The following CHRM2 variants were observed in gnomAD, a reference collection of about 807,000 sequenced individuals.
CHRM2 encodes the protein muscarinic acetylcholine receptor M2.
Under a neutral mutation model 25.0 loss-of-function variants are expected in CHRM2, and 8 were observed. The observed-to-expected ratio is 0.32, with a 90% CI of 0.19 to 0.58. CHRM2 has a LOEUF of 0.58. Among genes scored for constraint, CHRM2 ranks in the 20% least tolerant of loss-of-function variants. The probability of loss-of-function intolerance (pLI) is 0.88; values close to 1 mark genes in which losing one functional copy is unlikely to be tolerated. For synonymous variants in CHRM2, 202 were observed against 205.7 expected (o/e 0.98, Z 0.15); for missense variants, 440 against 567.1 (o/e 0.78, Z 2.28).
chr7:136,917,184 A>G (rs1199961545), intron 2 of CHRM2, among the ~76,000 whole-genome samples: 1 of 140,180 alleles, frequency 7.1e-6, no homozygotes. Context: ...GCTTTCTTTT[A>G]TTTGTAGGCT....
intron 2 of CHRM2, among the ~76,000 whole-genome samples, chr7:136,916,582 T>A (rs1798124821): frequency 6.6e-6 from 1 of 151,520 alleles, no homozygotes; most frequent in Non-Finnish European, 1.5e-5. Flanking sequence ...AAGTTTATAT[T>A]GTCCTCCTCA....
intron 2 of CHRM2, among the ~76,000 whole-genome samples, chr7:136,933,552 C>A (rs1206939618): frequency 1.3e-5 from 2 of 152,052 alleles, no homozygotes; most frequent in East Asian, 1.9e-4. Context: ...TATAGAGTCA[C>A]CAACATGACT....
chr7:136,939,655 G>A (rs1799647282), intron 2 of CHRM2, among the ~76,000 whole-genome samples: 1 of 152,134 alleles, frequency 6.6e-6, no homozygotes, highest in Non-Finnish European at 1.5e-5. Flanking sequence ...ATTAAAATAA[G>A]TATAGTGGGA....
rs1563055699 is a variant in CHRM2 at position 136,903,118 on chromosome 7, T to C, written c.-125+33700T>C. 3 of 533,126 alleles carry C rather than the reference T, an allele frequency of 5.6e-6. No homozygotes were observed. In the East Asian group the frequency reaches 1.6e-4, roughly 29 times the overall value. 33.0% of individuals were successfully genotyped at this position (533,126 alleles called of 1,614,324 possible). A position where few individuals can be genotyped will look rare whatever the true frequency, so the allele number is the denominator to read the frequency against. On this transcript the variant is annotated intron_variant, in intron 2 of 3. Coordinates refer to ENST00000680005, the MANE Select transcript of CHRM2 (RefSeq NM_001006630.2). ...TCATTTGGGCTAGTGTAGGTGTAGG[T>C]TTTTTATTCTTCAACCAACGGTGGT...
At chr7:137,007,657 T>C (rs1804533413) in intron 3 of CHRM2, among the ~76,000 whole-genome samples, 1 of 152,224 alleles carries the variant, frequency 6.6e-6, no homozygotes, top group East Asian at 1.9e-4. Flanking sequence ...GGAATGTCAA[T>C]ATTGCTAGCT....
intron 2 of CHRM2, among the ~76,000 whole-genome samples, chr7:136,947,098 T>G (rs1205716099): frequency 1.3e-5 from 2 of 152,222 alleles, no homozygotes; most frequent in African/African-American, 4.8e-5. Flanking sequence ...AGTGATAACA[T>G]CAACCAAAGC....
chr7:136,937,096 C>T (rs1799457414), intron 2 of CHRM2, among the ~76,000 whole-genome samples: 1 of 152,082 alleles, frequency 6.6e-6, no homozygotes, highest in East Asian at 1.9e-4. Flanking sequence ...TGTCTCTAGC[C>T]CCAAAGACAG....
intron 2 of CHRM2, among the ~76,000 whole-genome samples, chr7:136,918,059 G>T (rs1335419353): frequency 2.0e-5 from 3 of 152,024 alleles, no homozygotes; most frequent in Non-Finnish European, 4.4e-5. Flanking sequence ...AGGTTTTAAG[G>T]AATGGGGAAA....
At chr7:136,965,443 A>T (rs1288628473) in intron 2 of CHRM2, among the ~76,000 whole-genome samples, 1 of 152,150 alleles carries the variant, frequency 6.6e-6, no homozygotes, top group Non-Finnish European at 1.5e-5. Context: ...AAGCCAAAAG[A>T]AATTGTCAGA....
chr7:137,018,030 T>G lies in CHRM2; in HGVS notation c.*1764T>G, dbSNP rs1805268784. On this transcript the variant is annotated 3_prime_UTR_variant, in exon 4 of 4. Coordinates refer to ENST00000680005, the MANE Select transcript of CHRM2 (RefSeq NM_001006630.2). Reference sequence around the variant, plus strand: ...TCAAATTATAAACGCATTTGCAAATTTCATATTTTGGATTTTAGATTTATG... The same window carrying G: ...TCAAATTATAAACGCATTTGCAAATGTCATATTTTGGATTTTAGATTTATG... The G allele has an allele frequency of 6.6e-6, 1 of 151,912 alleles. No homozygotes were observed. Among genetic ancestry groups the G allele is most frequent in the Non-Finnish European group, 1.5e-5 (1 of 67,908 alleles). The allele number at this position is 151,912 out of a possible 1,614,324, so 9.4% of individuals were successfully genotyped here.
At chr7:136,905,216 GA>G (rs999915191) in intron 2 of CHRM2, among the ~76,000 whole-genome samples, 10 of 151,806 alleles carry the variant, frequency 6.6e-5, no homozygotes, top group African/African-American at 2.2e-4. Flanking sequence ...TATATTTTGG[GA>G]ATTTTCTAAG....
At chr7:136,921,794 C>CTTTTTTTTTTTTTTTTTT (rs398006503) in intron 2 of CHRM2, among the ~76,000 whole-genome samples, 1 of 116,538 alleles carries the variant, frequency 8.6e-6, no homozygotes, top group Admixed American at 8.8e-5. Context: ...TTCTTTCTTT[C>CTTTTTTTTTTTTTTTTTT]TTTTTTTTGA....
intron 2 of CHRM2, among the ~76,000 whole-genome samples, chr7:136,959,560 A>T (rs141792043): frequency 0.012 from 1,781 of 152,302 alleles, 20 homozygotes; most frequent in Non-Finnish European, 0.018. Flanking sequence ...CAAACTCTAC[A>T]TTTTTCCATT....
chr7:136,909,828 T>C (rs1168078076), intron 2 of CHRM2, among the ~76,000 whole-genome samples: 2 of 151,916 alleles, frequency 1.3e-5, no homozygotes, highest in African/African-American at 2.4e-5. Flanking sequence ...TAAAAATACA[T>C]TTGTAGCAGA....
intron 2 of CHRM2, chr7:136,907,033 A>T (rs1325296728): frequency 1.3e-5 from 2 of 151,806 alleles, no homozygotes; most frequent in Admixed American, 6.6e-5. Flanking sequence ...CACAACCTAG[A>T]TCTCTCACAT....
intron 2 of CHRM2, among the ~76,000 whole-genome samples, chr7:136,989,205 C>G (rs990691582): frequency 1.3e-5 from 2 of 149,670 alleles, no homozygotes; most frequent in African/African-American, 2.5e-5. Flanking sequence ...TGGGAAAAAT[C>G]CATGCTAAGG....
Position 137,014,982 on chromosome 7 carries a change from C to A in CHRM2, c.117C>A (p.Ile39=). The change falls in exon 4 of 4, where the codon ATC becomes ATA. Residue 39 remains isoleucine (I), a synonymous_variant. Transcript: ENST00000680005. ...VAGSLSLVTI[I]GNILVMVSIK... Reference sequence around the variant, plus strand: ...GATCCCTCAGTTTGGTGACCATTATCGGGAACATCCTAGTCATGGTTTCCA... The same window carrying A: ...GATCCCTCAGTTTGGTGACCATTATAGGGAACATCCTAGTCATGGTTTCCA... 1 of 1,613,282 alleles carries A rather than the reference C, an allele frequency of 6.2e-7. No homozygotes were observed. Among genetic ancestry groups the A allele is most frequent in the Non-Finnish European group, 8.5e-7 (1 of 1,179,558 alleles).
At chr7:137,010,920 G>A (rs1036790491) in intron 3 of CHRM2, among the ~76,000 whole-genome samples, 1 of 151,874 alleles carries the variant, frequency 6.6e-6, no homozygotes, top group Non-Finnish European at 1.5e-5. Flanking sequence ...GAAACAGAGC[G>A]AGTGTGTATA....
At chr7:136,889,275 A>G (rs1251377679) in intron 2 of CHRM2, among the ~76,000 whole-genome samples, 2 of 152,032 alleles carry the variant, frequency 1.3e-5, no homozygotes, top group African/African-American at 4.8e-5. Context: ...GAGTGGCTCT[A>G]AGAGCACTGG....
Sources: gnomAD v4.1 joint callset for allele counts (sites outside exome capture counted in the v4.1 genomes callset) on GRCh38, gnomAD v4.1.1 for gene constraint, MANE v1.5 for transcripts, NCBI Gene and HGNC (gene_info 2026-07-23, HGNC 2026-07-21) for gene names.